The following ITGB7 variants were observed in gnomAD, a reference collection of about 807,000 sequenced individuals.
The protein encoded by ITGB7 is integrin subunit beta 7.
Under a neutral mutation model 83.4 loss-of-function variants are expected in ITGB7, and 55 were observed. The observed-to-expected ratio is 0.66, with a 90% CI of 0.53 to 0.83. The LOEUF is 0.83. Among genes scored for constraint, ITGB7 ranks in the 40% least tolerant of loss-of-function variants. The pLI is 0.00. For missense variants in ITGB7, 921 were observed against 1,046.7 expected, an observed-to-expected ratio of 0.88 and a Z score of 1.66; for synonymous variants, 454 against 423.6, an observed-to-expected ratio of 1.07 and a Z score of -0.88.
At chr12:53,201,642 C>CTT (rs112836940) in intron 1 of ITGB7, among the ~76,000 whole-genome samples, 3 of 147,916 alleles carry the variant, frequency 2.0e-5, no homozygotes, top group African/African-American at 7.4e-5. Context: ...CCCATTGGCC[C>CTT]TTTTTTTTTT....
chr12:53,197,901 C>G lies in ITGB7; in HGVS notation c.252G>C (p.Glu84Asp). The G allele has an allele frequency of 1.3e-6, 2 of 1,546,354 alleles. No homozygotes were observed. Among genetic ancestry groups the G allele is most frequent in the Admixed American group, 3.8e-5 (2 of 52,818 alleles). The part of the protein sequence containing the change: ...EAEARRCARR[E>D]ELLARGCPLE... ...GCGGGCAGCCTCGAGCCAGCAGCTC[C>G]TCTCGTCGGGCGCAGCGCCGCGCCT... Residue 84 changes from glutamate to aspartate, a missense_variant, in exon 4 of 16, where the codon GAG (glutamate) becomes GAC (aspartate). Coordinates refer to ENST00000267082, the MANE Select transcript of ITGB7 (RefSeq NM_000889.3).
chr12:53,192,038 A>G lies in ITGB7; in HGVS notation c.2156-19T>C. 1 of 1,608,284 alleles carries G rather than the reference A, an allele frequency of 6.2e-7. No individual in the cohort carries two copies. Among genetic ancestry groups the G allele is most frequent in the Non-Finnish European group, 8.5e-7 (1 of 1,176,366 alleles). On this transcript the variant is annotated intron_variant, in intron 14 of 15. Coordinates refer to ENST00000267082, the MANE Select transcript of ITGB7 (RefSeq NM_000889.3). ...GCTCCCTCTGTGAACAAGAAACCAG[A>G]CACACTTGTGGGAGCTGGAGCATAG...
chr12:53,196,356 C>T (rs2120456651), intron 6 of ITGB7, 157 bp from the exon 7 acceptor site: 2 of 1,019,504 alleles, frequency 2.0e-6, no homozygotes, highest in Admixed American at 5.5e-5. Context: ...CTCTCCAGCC[C>T]CCTAAAGAAG....
chr12:53,194,455 C>G, intron 9 of ITGB7, 111 bp from the exon 10 acceptor site: 1 of 1,054,876 alleles, frequency 9.5e-7, no homozygotes. Context: ...CCCTCTGCCA[C>G]CTGGGGCTCC....
chr12:53,192,303 G>A, intron 14 of ITGB7, 27 bp downstream of exon 14: 1 of 1,610,220 alleles, frequency 6.2e-7, no homozygotes, highest in South Asian at 1.1e-5. Flanking sequence ...CAAACTTCCA[G>A]GGTTTGTGGC....
At position 53,193,176 on chromosome 12, in the gene ITGB7, C is replaced by T; in HGVS notation, c.1690G>A (p.Ala564Thr). The change falls in exon 12 of 16, where the codon GCC becomes ACC. Residue 564 changes from alanine to threonine, a missense_variant. Coordinates refer to ENST00000267082, the MANE Select transcript of ITGB7 (RefSeq NM_000889.3). ...SSGHLCECDD[A>T]SCERHEGILC... ...ATGCCCTCATGTCGCTCACAGCTGG[C>T]ATCGTCACACTCGCACAGATGCCCA... The T allele has an allele frequency of 3.1e-6, 5 of 1,613,636 alleles. No individual in the cohort carries two copies. Among genetic ancestry groups the T allele is most frequent in the Non-Finnish European group, 4.2e-6 (5 of 1,179,658 alleles).
chr12:53,193,357 G>A lies in ITGB7; in HGVS notation c.1509C>T (p.Ala503=), dbSNP rs1186414208. The change falls in exon 12 of 16, where the codon GCC becomes GCT. Residue 503 remains alanine (A), a synonymous_variant. Coordinates refer to ENST00000267082, the MANE Select transcript of ITGB7 (RefSeq NM_000889.3). The part of the protein sequence containing the change: ...GHLQCGVCSC[A]PGRLGRLCEC... ...CACAGAGCCGACCTAGGCGGCCAGG[G>A]GCACAGCTGGAAGGGGAAGGCAAAG... 6.3e-7 allele frequency: 1 copy of A among 1,579,034 alleles called. No homozygotes were observed. The highest frequency in any genetic ancestry group is 1.4e-5 in the African/African-American group (1 of 74,068).
intron 12 of ITGB7, 21 bp downstream of exon 12, chr12:53,193,119 T>G: frequency 6.3e-7 from 1 of 1,589,670 alleles, no homozygotes; most frequent in Non-Finnish European, 8.6e-7. Flanking sequence ...ACCCCGCCCT[T>G]CTCCCCAAGG....
chr12:53,201,607 C>T (rs1196299011), intron 1 of ITGB7, among the ~76,000 whole-genome samples: 3 of 151,450 alleles, frequency 2.0e-5, no homozygotes, highest in African/African-American at 4.9e-5. Context: ...TCATTTACCA[C>T]GCTTCATAAG....
intron 1 of ITGB7, among the ~76,000 whole-genome samples, chr12:53,205,961 G>C (rs564757669): frequency 6.6e-6 from 1 of 152,266 alleles, no homozygotes; most frequent in African/African-American, 2.4e-5. Context: ...CTGTGGTCAG[G>C]GAGGCTGGAG....
chr12:53,195,775 C>G (rs533478113), intron 7 of ITGB7, 54 bp from the exon 8 acceptor site: 1 of 1,438,962 alleles, frequency 6.9e-7, no homozygotes, highest in South Asian at 1.1e-5. Context: ...CCACAACATG[C>G]AAGGTGCCCT....
rs73309160 is a variant in ITGB7, at chr12:53,196,506, A to G, written c.816+73T>C. On this transcript the variant is annotated intron_variant, in intron 6 of 15. Transcript: ENST00000267082. ...TGAATGGCACCCCCTAGAACTGTGCACTACACAACCATAAGGGGCAGTCCT... is the reference window on the plus strand; with the variant it reads ...TGAATGGCACCCCCTAGAACTGTGCGCTACACAACCATAAGGGGCAGTCCT... 3.8e-3 allele frequency: 5,825 copies of G among 1,536,700 alleles called. 193 individuals are homozygous for G. The African/African-American group carries it at 0.069, about 18-fold the overall frequency.
intron 6 of ITGB7, 159 bp from the exon 7 acceptor site, chr12:53,196,358 C>A: frequency 9.9e-7 from 1 of 1,007,954 alleles, no homozygotes; most frequent in Admixed American, 2.8e-5. Context: ...CTCCAGCCCC[C>A]TAAAGAAGGC....
intron 1 of ITGB7, among the ~76,000 whole-genome samples, chr12:53,202,497 G>A (rs1057177522): frequency 1.3e-5 from 2 of 151,986 alleles, no homozygotes; most frequent in African/African-American, 4.8e-5. Flanking sequence ...TGGGACTACA[G>A]GCATGCGCCA....
chr12:53,196,632 G>A lies in ITGB7; in HGVS notation c.763C>T (p.Leu255=). The change falls in exon 6 of 16, where the codon CTG becomes TTG. Residue 255 remains leucine, a synonymous_variant. Transcript: ENST00000267082. ...EVGRQSVSGN[L]DSPEGGFDAI... is the part of the protein sequence containing the mutation. Reference sequence around the variant, plus strand: ...TCGAAGCCACCTTCAGGCGAGTCCAGATTGCCGGACACACTCTGGCGCCCC... The same window carrying A: ...TCGAAGCCACCTTCAGGCGAGTCCAAATTGCCGGACACACTCTGGCGCCCC... 3.1e-6 allele frequency: 5 copies of A among 1,613,378 alleles called. No individual in the cohort carries two copies. Among genetic ancestry groups the A allele is most frequent in the Non-Finnish European group, 4.2e-6 (5 of 1,179,630 alleles).
At chr12:53,195,865 G>C (rs1424799613) in intron 7 of ITGB7, 144 bp from the exon 8 acceptor site, 10 of 956,770 alleles carry the variant, frequency 1.0e-5, no homozygotes, top group East Asian at 5.1e-5. Context: ...AAGGAGGTAG[G>C]GAATGGGGTG....
In ITGB7 at chr12:53,193,246, C is replaced by CT. The variant is rs1942032821; in HGVS notation, c.1619dup (p.His542SerfsTer21). On this transcript the variant is annotated frameshift_variant, in exon 12 of 16. Coordinates refer to ENST00000267082, the MANE Select transcript of ITGB7 (RefSeq NM_000889.3). LOFTEE classifies it high-confidence loss of function. ...TGCAGCGTCCACATTGACAGTGACCCTTTCCACTGCACAGGGGCCCTGTGC... is the reference window on the plus strand; with the variant it reads ...TGCAGCGTCCACATTGACAGTGACCCTTTTCCACTGCACAGGGGCCCTGTGC... The CT allele has an allele frequency of 1.9e-6, 3 of 1,614,196 alleles. No individual in the cohort carries two copies. The East Asian group carries it at 6.7e-5, about 36-fold the overall frequency.
In ITGB7 at chr12:53,202,413, C is replaced by G. The variant is rs184372790; in HGVS notation, c.-126-1219G>C. On this transcript the variant is annotated intron_variant, in intron 1 of 15. Transcript: ENST00000267082. ...AGTCTTGCTCAGGCTGGAGTGCAGT[C>G]GCGCCATCTCAGCTCACTGCAACCT... Among the ~76,000 whole-genome samples, 40 of 152,074 alleles carry G rather than the reference C, an allele frequency of 2.6e-4. 1 individual carries two copies. Among genetic ancestry groups the G allele is most frequent in the African/African-American group, 9.6e-4 (40 of 41,528 alleles).
At chr12:53,203,389 T>G (rs993924551) in intron 1 of ITGB7, among the ~76,000 whole-genome samples, 3 of 152,114 alleles carry the variant, frequency 2.0e-5, no homozygotes, top group African/African-American at 7.2e-5. Context: ...GGCTCACACC[T>G]GTAATCCTAG....
Sources: gnomAD v4.1 joint callset for allele counts (sites outside exome capture counted in the v4.1 genomes callset) on GRCh38, gnomAD v4.1.1 for gene constraint, MANE v1.5 for transcripts, NCBI Gene and HGNC (gene_info 2026-07-23, HGNC 2026-07-21) for gene names.